ZNF615: variants seen among roughly 807,000 people sequenced by gnomAD.
ZNF615 encodes zinc finger protein 615.
Under a neutral mutation model 15.3 loss-of-function variants are expected in ZNF615, and 15 were observed. That is an observed-to-expected ratio of 0.98 (90% CI 0.66 to 1.51). The LOEUF (loss-of-function observed/expected upper bound fraction) is 1.51, where lower values mean the gene tolerates loss of function less well. Among genes scored for constraint, ZNF615 ranks in the 40% most tolerant of loss-of-function variants. The probability of loss-of-function intolerance (pLI) is 0.00; values close to 1 mark genes in which losing one functional copy is unlikely to be tolerated. For synonymous variants in ZNF615, 268 were observed against 294.6 expected (o/e 0.91, Z 0.92); for missense variants, 848 against 895.9 (o/e 0.95, Z 0.68).
In ZNF615 at chr19:51,996,397, A is replaced by C. The variant is rs1216419007; in HGVS notation, c.272-1560T>G. Among the ~76,000 whole-genome samples the C allele has an allele frequency of 2.7e-5, 4 of 150,050 alleles. No homozygotes were observed. The South Asian group carries it at 6.4e-4, about 24-fold the overall frequency. The stretch of plus-strand genomic sequence containing the variant: ...CAAGACTCTGTCTCAAAAAAAAAAA[A>C]AAAAAAAAAAACGCAAAACTATATG... On this transcript the variant is annotated intron_variant, in intron 6 of 6. Transcript: ENST00000598071.
chr19:52,005,525 G>A (rs1404525821), intron 2 of ZNF615, among the ~76,000 whole-genome samples: 1 of 152,154 alleles, frequency 6.6e-6, no homozygotes, highest in African/African-American at 2.4e-5. Flanking sequence ...CAAAAAAATA[G>A]ACAAATGATT....
Position 51,993,032 on chromosome 19 carries a change from A to G in ZNF615, c.2077T>C (p.Cys693Arg), listed in dbSNP as rs2086281635. ...RIHTGEKPYK[C>R]SDCGKAFTTK... is the part of the protein sequence containing the mutation. Reference sequence around the variant, plus strand: ...GTGAAGGCTTTCCCGCAGTCACTGCATTTGTACGGTTTCTCTCCTGTGTGA... The same window carrying G: ...GTGAAGGCTTTCCCGCAGTCACTGCGTTTGTACGGTTTCTCTCCTGTGTGA... The change falls in exon 7 of 7, where the codon TGC becomes CGC. Residue 693 changes from cysteine (C) to arginine (R), a missense_variant. Transcript: ENST00000598071. 6.2e-7 allele frequency: 1 copy of G among 1,614,100 alleles called. No individual in the cohort carries two copies. Among genetic ancestry groups the G allele is most frequent in the Non-Finnish European group, 8.5e-7 (1 of 1,180,040 alleles).
At chr19:51,995,702 C>G (rs980321025) in intron 6 of ZNF615, among the ~76,000 whole-genome samples, 7 of 151,830 alleles carry the variant, frequency 4.6e-5, no homozygotes, top group Admixed American at 3.9e-4. Flanking sequence ...TCTTGATTAG[C>G]TGGGACCACA....
Position 52,003,700 on chromosome 19 carries a change from G to A in ZNF615, c.12C>T (p.Ala4=). 6 of 1,612,226 alleles carry A rather than the reference G, an allele frequency of 3.7e-6. No individual in the cohort carries two copies. Among genetic ancestry groups the A allele is most frequent in the Admixed American group, 1.7e-5 (1 of 59,868 alleles). The change falls in exon 3 of 7, where the codon GCC becomes GCT. Residue 4 remains alanine (A), a synonymous_variant. Coordinates refer to ENST00000598071, the MANE Select transcript of ZNF615 (RefSeq NM_001199324.2). Reference sequence around the variant, plus strand: ...AATAAAACAAACCAAAAGTCACCTGGGCCTGCATCATTGTCTCCTAAATTT... The same window carrying A: ...AATAAAACAAACCAAAAGTCACCTGAGCCTGCATCATTGTCTCCTAAATTT... MMQ[A]QESLTLEDVA...
chr19:51,994,193 TC>T lies in ZNF615; in HGVS notation c.915del (p.Ala307ProfsTer88). The T allele has an allele frequency of 6.2e-7, 1 of 1,614,040 alleles. No individual in the cohort carries two copies. The highest frequency in any genetic ancestry group is 8.5e-7 in the Non-Finnish European group (1 of 1,180,028). ...AGCCGACACTTCTTGATGAAGGCTT[TC>T]CCACATTGGCTACATGTGTAAGGTT... ...GGKPYTCSQC[G>X]KAFIKKCRLI... On this transcript the variant is annotated frameshift_variant, in exon 7 of 7. Transcript: ENST00000598071. LOFTEE classifies it low-confidence loss of function (END_TRUNC).
intron 2 of ZNF615, among the ~76,000 whole-genome samples, 156 bp downstream of exon 2, chr19:52,007,137 C>A (rs2086774495): frequency 6.6e-6 from 1 of 152,128 alleles, no homozygotes; most frequent in Non-Finnish European, 1.5e-5. Context: ...GTAAAAACAA[C>A]TTCTAAATGT....
In ZNF615 at chr19:52,003,769, G is replaced by A. The variant is rs2086673063; in HGVS notation, c.-58C>T. The A allele has an allele frequency of 3.8e-6, 6 of 1,597,564 alleles. No homozygotes were observed. The highest frequency in any genetic ancestry group is 5.1e-6 in the Non-Finnish European group (6 of 1,173,958). On this transcript the variant is annotated 5_prime_UTR_variant, in exon 3 of 7. Transcript: ENST00000598071. ...TGGACGTTCTGTATTTGTCTCTTCT[G>A]AATCAGCTCTAAATTTCGGTTCAAA...
In ZNF615 at chr19:51,993,472, G is replaced by A. The variant is rs751717142; in HGVS notation, c.1637C>T (p.Thr546Ile). The change falls in exon 7 of 7, where the codon ACA becomes ATA. Residue 546 changes from threonine to isoleucine, a missense_variant. Coordinates refer to ENST00000598071, the MANE Select transcript of ZNF615 (RefSeq NM_001199324.2). ...ATTGCAAATATAAGGTTTCTCTCCT[G>A]TATGAGTTCGTTGATGTCCCATTAG... ...IRLMGHQRTH[T>I]GEKPYICNEC... The A allele has an allele frequency of 1.2e-6, 2 of 1,614,102 alleles. No homozygotes were observed. Among genetic ancestry groups the A allele is most frequent in the Non-Finnish European group, 1.7e-6 (2 of 1,180,028 alleles).
chr19:52,003,592 C>A, intron 3 of ZNF615, 105 bp downstream of exon 3: 1 of 1,060,056 alleles, frequency 9.4e-7, no homozygotes, highest in Non-Finnish European at 1.4e-6. Flanking sequence ...TCTCCAGGTC[C>A]TGATATTTCC....
intron 6 of ZNF615, chr19:52,000,012 T>C (rs962718165): frequency 1.9e-5 from 4 of 208,712 alleles, no homozygotes; most frequent in Admixed American, 1.7e-4. Flanking sequence ...ATAACTGTGG[T>C]ATATATACAC....
In ZNF615 at chr19:51,994,019, A is replaced by C. The variant is rs2086337735; in HGVS notation, c.1090T>G (p.Phe364Val). Residue 364 changes from phenylalanine to valine, a missense_variant, in exon 7 of 7, where the codon TTC becomes GTC. Phe to Val is a conservative substitution (Grantham distance 50, BLOSUM62 -1). Coordinates refer to ENST00000598071, the MANE Select transcript of ZNF615 (RefSeq NM_001199324.2). ...GCAGTAAGACGCCTCTTCTCAATGA[A>C]GCCTTTTCCACATTCACTACATATA... is the stretch of plus-strand genomic sequence containing the variant. ...PYICSECGKG[F>V]IEKRRLTAHH... is the part of the protein sequence containing the mutation. 1 of 1,612,362 alleles carries C rather than the reference A, an allele frequency of 6.2e-7. No homozygotes were observed. The highest frequency in any genetic ancestry group is 1.7e-5 in the Admixed American group (1 of 59,886).
Position 51,994,720 on chromosome 19 carries a change from C to A in ZNF615, c.389G>T (p.Gly130Val). 6.2e-7 allele frequency: 1 copy of A among 1,613,696 alleles called. No homozygotes were observed. Among genetic ancestry groups the A allele is most frequent in the Non-Finnish European group, 8.5e-7 (1 of 1,179,970 alleles). Residue 130 changes from glycine to valine, a missense_variant, in exon 7 of 7, where the codon GGT becomes GTT. Physicochemically the swap from Gly to Val is moderately radical, Grantham distance 109. Transcript: ENST00000598071. ...MFGNIVNQNK[G>V]HFLLKQDCDT... ...ACAATCTTGCTTCAGCAGGAAATGA[C>A]CTTTGTTCTGATTAACAATATTTCC...
rs975220865 is a variant in ZNF615 at position 52,002,299 on chromosome 19, T to A, written c.16-18A>T. 2 of 1,613,704 alleles carry A rather than the reference T, an allele frequency of 1.2e-6. No homozygotes were observed. Among genetic ancestry groups the A allele is most frequent in the Non-Finnish European group, 8.5e-7 (1 of 1,179,746 alleles). On this transcript the variant is annotated intron_variant, in intron 3 of 6. Coordinates refer to ENST00000598071, the MANE Select transcript of ZNF615 (RefSeq NM_001199324.2). ...AGGGATTCCTGTAATAACACACTTC[T>A]GTTTAATGAAGTCATATTCTTTTGG...
intron 5 of ZNF615, 96 bp downstream of exon 5, chr19:52,001,717 G>C (rs1268354355): frequency 2.2e-6 from 2 of 924,206 alleles, no homozygotes; most frequent in Non-Finnish European, 3.5e-6. Flanking sequence ...AGGGGCTGTT[G>C]CTGTGTCCTC....
rs1182157822 is a variant in ZNF615, at chr19:51,993,652, T to G, written c.1457A>C (p.Gln486Pro). Residue 486 changes from glutamine (Q) to proline (P), a missense_variant, in exon 7 of 7, where the codon CAG becomes CCG. Transcript: ENST00000598071. Reference sequence around the variant, plus strand: ...TGGCTTCTCTGCAGTATGAGTTCGCTGATGTACAATGAGGTCACTCTTCAT... The same window carrying G: ...TGGCTTCTCTGCAGTATGAGTTCGCGGATGTACAATGAGGTCACTCTTCAT... ...FTMKSDLIVH[Q>P]RTHTAEKPYI... 6.2e-7 allele frequency: 1 copy of G among 1,614,094 alleles called. No homozygotes were observed. Among genetic ancestry groups the G allele is most frequent in the Admixed American group, 1.7e-5 (1 of 60,010 alleles).
chr19:51,992,978 T>C lies in ZNF615; in HGVS notation c.2131A>G (p.Arg711Gly). Reference sequence around the variant, plus strand: ...TAGGGCCTCTCTCCTGTATGTTTTCTTTGATGAACATTGAGCCCTGATTTT... The same window carrying C: ...TAGGGCCTCTCTCCTGTATGTTTTCCTTGATGAACATTGAGCCCTGATTTT... ...TTKSGLNVHQ[R>G]KHTGERPYGC... Residue 711 changes from arginine (R) to glycine (G), a missense_variant, in exon 7 of 7, where the codon AGA becomes GGA. Coordinates refer to ENST00000598071, the MANE Select transcript of ZNF615 (RefSeq NM_001199324.2). 6.2e-7 allele frequency: 1 copy of C among 1,614,206 alleles called. No individual in the cohort carries two copies. The highest frequency in any genetic ancestry group is 8.5e-7 in the Non-Finnish European group (1 of 1,180,020).
chr19:52,003,861 C>T lies in ZNF615; in HGVS notation c.-150G>A. 1 of 1,466,526 alleles carries T rather than the reference C, an allele frequency of 6.8e-7. No individual in the cohort carries two copies. The highest frequency in any genetic ancestry group is 9.0e-7 in the Non-Finnish European group (1 of 1,112,858). 90.8% of individuals were successfully genotyped at this position (1,466,526 alleles called of 1,614,324 possible). A position where few individuals can be genotyped will look rare whatever the true frequency, so the allele number is the denominator to read the frequency against. On this transcript the variant is annotated 5_prime_UTR_variant, in exon 3 of 7. Transcript: ENST00000598071. ...ACCCAAGTCTTGGAAACTCCGCCTC[C>T]TTCCTTCACTTGATTTCTCTTGTTC...
rs371634785 is a variant in ZNF615, at chr19:51,994,250, T to C, written c.859A>G (p.Asn287Asp). The change falls in exon 7 of 7, where the codon AAT becomes GAT. Residue 287 changes from asparagine to aspartate, a missense_variant. Coordinates refer to ENST00000598071, the MANE Select transcript of ZNF615 (RefSeq NM_001199324.2). ...DKTFLKKSQLNIHQKTHMGGK... is the reference protein window; with the variant it reads ...DKTFLKKSQLDIHQKTHMGGK... Reference sequence around the variant, plus strand: ...CCCATATGAGTTTTCTGATGTATATTGAGCTGTGATTTCTTGAGGAAGGTT... The same window carrying C: ...CCCATATGAGTTTTCTGATGTATATCGAGCTGTGATTTCTTGAGGAAGGTT... 17 of 1,614,034 alleles carry C rather than the reference T, an allele frequency of 1.1e-5. No homozygotes were observed. The African/African-American group carries it at 2.0e-4, about 19-fold the overall frequency.
At chr19:52,001,599 A>G (rs921105109) in intron 5 of ZNF615, among the ~76,000 whole-genome samples, 2 of 147,580 alleles carry the variant, frequency 1.4e-5, no homozygotes, top group Admixed American at 6.8e-5. Flanking sequence ...GCCTGGTGAC[A>G]GAGCAAGACT....
Sources: allele counts gnomAD v4.1 joint callset (sites outside exome capture counted in the v4.1 genomes callset), GRCh38; gene constraint gnomAD v4.1.1; transcripts MANE v1.5; gene names NCBI Gene and HGNC (gene_info 2026-07-23, HGNC 2026-07-21).